CLUL1: variants seen among roughly 807,000 people sequenced by gnomAD.
CLUL1 encodes the protein clusterin like 1.
A neutral mutation model predicts 49.4 loss-of-function variants in CLUL1; 43 were observed. That is an observed-to-expected ratio of 0.87 (90% CI 0.68 to 1.12). The LOEUF (loss-of-function observed/expected upper bound fraction) is 1.12. Ranked by LOEUF, CLUL1 falls within the 50% of genes most tolerant of loss-of-function variation. The pLI is 0.00. For synonymous variants in CLUL1, 192 were observed against 184.9 expected, an observed-to-expected ratio of 1.04 and a Z score of -0.31; for missense variants, 486 against 544.4, an observed-to-expected ratio of 0.89 and a Z score of 1.07.
At chr18:614,316 A>AG (rs2073227306) in intron 2 of CLUL1, among the ~76,000 whole-genome samples, 1 of 128,220 alleles carries the variant, frequency 7.8e-6, no homozygotes, top group African/African-American at 2.8e-5. Flanking sequence ...GAAGGAAGGG[A>AG]GGGAGGGAAG....
At chr18:639,957 TA>T (rs368275276) in intron 7 of CLUL1, among the ~76,000 whole-genome samples, 18 of 152,266 alleles carry the variant, frequency 1.2e-4, no homozygotes, top group African/African-American at 4.3e-4. Flanking sequence ...TGAAATTAGA[TA>T]TGTTAGTTAA....
intron 7 of CLUL1, among the ~76,000 whole-genome samples, chr18:640,842 C>CT (rs796955531): frequency 1.5e-4 from 23 of 149,604 alleles, no homozygotes; most frequent in Middle Eastern, 7.0e-3. Flanking sequence ...CATCACAAAT[C>CT]TTTTTTTTTT....
Position 626,166 on chromosome 18 carries a change from G to A in CLUL1, c.424-931G>A, listed in dbSNP as rs544610698. 4.6e-5 allele frequency among the ~76,000 whole-genome samples: 7 copies of A among 152,230 alleles called. No individual in the cohort carries two copies. The South Asian group carries it at 1.5e-3, about 32-fold the overall frequency. ...CTGGCTCTTTTGCCCTGGCTAGAGG[G>A]CAGTGGTGCCATCTTGGCTTACTGC... On this transcript the variant is annotated intron_variant, in intron 5 of 9. Coordinates refer to ENST00000692774, the MANE Select transcript of CLUL1 (RefSeq NM_001393344.1).
intron 7 of CLUL1, among the ~76,000 whole-genome samples, chr18:637,990 C>G (rs940640060): frequency 6.6e-6 from 1 of 151,762 alleles, no homozygotes; most frequent in African/African-American, 2.4e-5. Context: ...TAATAATAAA[C>G]AGATAAATAA....
chr18:618,104 A>C lies in CLUL1; in HGVS notation c.104A>C (p.Lys35Thr). The change falls in exon 3 of 10, where the codon AAG becomes ACG. Residue 35 changes from lysine to threonine, a missense_variant and splice_region_variant. Coordinates refer to ENST00000692774, the MANE Select transcript of CLUL1 (RefSeq NM_001393344.1). The surrounding 1 kb of genome is among the most constrained non-coding windows in gnomAD (Gnocchi z 4.2). ...AAAACTGCTATCAGTGAAAACCTGA[A>C]GAGTACGTTTGGTTTCTTATCTGTG... ...KDKTAISENLKSFSEVGEIDA... is the reference protein window; with the variant it reads ...KDKTAISENLTSFSEVGEIDA... The C allele has an allele frequency of 6.2e-7, 1 of 1,611,160 alleles. No individual in the cohort carries two copies. The highest frequency in any genetic ancestry group is 8.5e-7 in the Non-Finnish European group (1 of 1,177,314).
rs1205247435 is a variant in CLUL1 at position 645,541 on chromosome 18, A to G, written c.1397+444A>G. ...CCGGGCGCAGTGGCTCATGCCTGTAATCCCAGCACTTTGGGAGGCTGAGGC... is the reference window on the plus strand; with the variant it reads ...CCGGGCGCAGTGGCTCATGCCTGTAGTCCCAGCACTTTGGGAGGCTGAGGC... On this transcript the variant is annotated intron_variant, in intron 9 of 9. Transcript: ENST00000692774. Among the ~76,000 whole-genome samples, 3 of 152,008 alleles carry G rather than the reference A, an allele frequency of 2.0e-5. No homozygotes were observed. In the South Asian group the frequency reaches 6.2e-4, roughly 32 times the overall value.
chr18:617,352 T>G (rs1306447689), intron 2 of CLUL1, among the ~76,000 whole-genome samples: 1 of 152,084 alleles, frequency 6.6e-6, no homozygotes, highest in Non-Finnish European at 1.5e-5. Context: ...CCCAGCACTT[T>G]GGGAGGCCGA....
chr18:628,234 GC>G (rs2073869748), intron 6 of CLUL1, among the ~76,000 whole-genome samples: 1 of 152,234 alleles, frequency 6.6e-6, no homozygotes, highest in African/African-American at 2.4e-5. Flanking sequence ...AGTTTGAGAA[GC>G]CCACTCTCAC....
At chr18:634,523 A>T (rs1336388251) in intron 7 of CLUL1, among the ~76,000 whole-genome samples, 1 of 152,088 alleles carries the variant, frequency 6.6e-6, no homozygotes, top group Non-Finnish European at 1.5e-5. Context: ...ATGATTAATG[A>T]CCAAACACTA....
intron 9 of CLUL1, among the ~76,000 whole-genome samples, chr18:647,731 A>G (rs1416108604): frequency 6.6e-6 from 1 of 152,152 alleles, no homozygotes; most frequent in Non-Finnish European, 1.5e-5. Flanking sequence ...CTCAGTTCAA[A>G]TAGTCACTTC....
chr18:614,986 AG>A (rs2073248714), intron 2 of CLUL1, among the ~76,000 whole-genome samples: 1 of 152,230 alleles, frequency 6.6e-6, no homozygotes, highest in Non-Finnish European at 1.5e-5. Flanking sequence ...GCCTGAACTT[AG>A]CAACAATAAA....
At chr18:619,503 G>A in intron 4 of CLUL1, 142 bp downstream of exon 4, 1 of 808,806 alleles carries the variant, frequency 1.2e-6, no homozygotes, top group Non-Finnish European at 1.8e-6. Context: ...AAAGTTTAAG[G>A]GAAGCTTCAG....
At position 631,969 on chromosome 18, in the gene CLUL1, T is replaced by A. The variant is rs372016043; in HGVS notation, c.857-1329T>A. Among the ~76,000 whole-genome samples, 6 of 152,232 alleles carry A rather than the reference T, an allele frequency of 3.9e-5. No individual in the cohort carries two copies. The South Asian group carries it at 1.2e-3, about 32-fold the overall frequency. ...CTGACTTTCTGGTCACCAAAGGGGATGGGTGCCTTACATGCCATTCTATCG... is the reference window on the plus strand; with the variant it reads ...CTGACTTTCTGGTCACCAAAGGGGAAGGGTGCCTTACATGCCATTCTATCG... On this transcript the variant is annotated intron_variant, in intron 6 of 9. Coordinates refer to ENST00000692774, the MANE Select transcript of CLUL1 (RefSeq NM_001393344.1).
intron 4 of CLUL1, among the ~76,000 whole-genome samples, chr18:624,434 T>C (rs1296339953): frequency 1.3e-5 from 2 of 152,212 alleles, no homozygotes; most frequent in South Asian, 2.1e-4. Flanking sequence ...ACAGCATAAA[T>C]GAAAGAATTA....
At chr18:598,440 A>T in intron 1 of CLUL1, 1 of 397,892 alleles carries the variant, frequency 2.5e-6, no homozygotes, top group Non-Finnish European at 4.4e-6. Flanking sequence ...CCTTCTTTCG[A>T]CAGCCTGGAG....
At chr18:628,840 C>G (rs917587533) in intron 6 of CLUL1, among the ~76,000 whole-genome samples, 2 of 151,842 alleles carry the variant, frequency 1.3e-5, no homozygotes, top group African/African-American at 2.4e-5. Context: ...ACCATGTTGG[C>G]CAGGCTGGTC....
At position 607,010 on chromosome 18, in the gene CLUL1, T is replaced by A. The variant is rs969118900; in HGVS notation, c.-103T>A. Reference sequence around the variant, plus strand: ...TCCCTCTCGGTTGCCAGGCTGGAGTTCAGTGGCATGTTCATAGCTCACTGA... The same window carrying A: ...TCCCTCTCGGTTGCCAGGCTGGAGTACAGTGGCATGTTCATAGCTCACTGA... On this transcript the variant is annotated 5_prime_UTR_variant, in exon 2 of 10. Transcript: ENST00000692774. The A allele has an allele frequency of 4.4e-6, 3 of 682,530 alleles. No homozygotes were observed. In the African/African-American group the frequency reaches 5.3e-5, roughly 12 times the overall value. The allele number at this position is 682,530 out of a possible 1,614,324, so 42.3% of individuals were successfully genotyped here.
In CLUL1 at chr18:637,213, C is replaced by G. The variant is rs2074170087; in HGVS notation, c.994+3778C>G. 2.6e-5 allele frequency among the ~76,000 whole-genome samples: 4 copies of G among 151,614 alleles called. No homozygotes were observed. The South Asian group carries it at 8.3e-4, about 32-fold the overall frequency. Reference sequence around the variant, plus strand: ...GTGTTAGCCAGGATGGTCTCGATCTCCTGACCTTGTGATCCACCTGCCTCG... The same window carrying G: ...GTGTTAGCCAGGATGGTCTCGATCTGCTGACCTTGTGATCCACCTGCCTCG... On this transcript the variant is annotated intron_variant, in intron 7 of 9. Transcript: ENST00000692774.
At chr18:608,500 A>AAAAC (rs147073562) in intron 2 of CLUL1, among the ~76,000 whole-genome samples, 27 of 150,888 alleles carry the variant, frequency 1.8e-4, no homozygotes, top group South Asian at 4.1e-4. Context: ...AATTTTGATT[A>AAAAC]AAACAAACAA....
Sources: allele counts gnomAD v4.1 joint callset (sites outside exome capture counted in the v4.1 genomes callset), GRCh38; gene constraint gnomAD v4.1.1; non-coding constraint Gnocchi (gnomAD v3.1); transcripts MANE v1.5; gene names NCBI Gene and HGNC (gene_info 2026-07-23, HGNC 2026-07-21).